SORCS1: variants seen among roughly 807,000 people sequenced by gnomAD.
The protein encoded by SORCS1 is sortilin related VPS10 domain containing receptor 1, also known as VPS10 domain-containing receptor SorCS1.
A neutral mutation model predicts 146.1 loss-of-function variants in SORCS1; 60 were observed. The ratio of observed to expected loss-of-function variants is 0.41; its 90% CI spans 0.33 to 0.51. The LOEUF (loss-of-function observed/expected upper bound fraction) is 0.51, where lower values mean the gene tolerates loss of function less well. Ranked by LOEUF, SORCS1 falls within the 20% of genes least tolerant of loss-of-function variation. The pLI is 0.21. For synonymous variants in SORCS1, 637 were observed against 584.0 expected (o/e 1.09, Z -1.31); for missense variants, 1,352 against 1,487.6 (o/e 0.91, Z 1.50).
At chr10:106,993,700 C>A (rs1956869266) in intron 1 of SORCS1, among the ~76,000 whole-genome samples, 1 of 152,040 alleles carries the variant, frequency 6.6e-6, no homozygotes. Context: ...AAAAAATATT[C>A]TTTTAAAAGT....
chr10:106,996,293 G>T (rs1237478453), intron 1 of SORCS1, among the ~76,000 whole-genome samples: 1 of 151,650 alleles, frequency 6.6e-6, no homozygotes, highest in African/African-American at 2.4e-5. Context: ...AAAACTACCT[G>T]GGGTCAGGGG....
intron 1 of SORCS1, among the ~76,000 whole-genome samples, chr10:107,031,341 C>T (rs1306065522): frequency 2.0e-5 from 3 of 151,956 alleles, no homozygotes; most frequent in African/African-American, 7.3e-5. Flanking sequence ...ATTTCTAATG[C>T]ATTTTTTTCT....
chr10:106,887,729 A>C (rs1255232394), intron 2 of SORCS1, among the ~76,000 whole-genome samples: 2 of 152,222 alleles, frequency 1.3e-5, no homozygotes, highest in Non-Finnish European at 2.9e-5. Context: ...CACTCTTAAA[A>C]GGATCTAGTA....
At chr10:107,023,127 A>C (rs921020610) in intron 1 of SORCS1, among the ~76,000 whole-genome samples, 1 of 152,198 alleles carries the variant, frequency 6.6e-6, no homozygotes, top group African/African-American at 2.4e-5. Flanking sequence ...CAGATAATGC[A>C]TGTAAATTGC....
intron 1 of SORCS1, among the ~76,000 whole-genome samples, chr10:107,098,671 G>A (rs1169471077): frequency 6.6e-6 from 1 of 152,140 alleles, no homozygotes; most frequent in Non-Finnish European, 1.5e-5. Flanking sequence ...AACAATTTTG[G>A]AATGACTTCT....
At chr10:106,971,667 G>C (rs899141488) in intron 1 of SORCS1, among the ~76,000 whole-genome samples, 4 of 152,166 alleles carry the variant, frequency 2.6e-5, no homozygotes, top group African/African-American at 9.7e-5. Flanking sequence ...CTAATCCAAA[G>C]GTTTATTGAT....
intron 2 of SORCS1, among the ~76,000 whole-genome samples, chr10:106,848,977 C>T (rs1225613210): frequency 1.3e-5 from 2 of 150,896 alleles, no homozygotes; most frequent in Non-Finnish European, 3.0e-5. Context: ...ATGGGCTTCC[C>T]TTTGAGGGTA....
intron 8 of SORCS1, among the ~76,000 whole-genome samples, chr10:106,699,801 AC>A (rs1486245838): frequency 6.6e-6 from 1 of 152,084 alleles, no homozygotes; most frequent in Non-Finnish European, 1.5e-5. Flanking sequence ...AAATAGACAA[AC>A]CCTGCATGTC....
chr10:107,043,885 A>G (rs569209127), intron 1 of SORCS1, among the ~76,000 whole-genome samples: 3 of 152,338 alleles, frequency 2.0e-5, no homozygotes, highest in African/African-American at 7.2e-5. Context: ...GAACCAAATC[A>G]TCTTTCCGAA....
intron 1 of SORCS1, among the ~76,000 whole-genome samples, chr10:107,159,763 G>C (rs1335653734): frequency 6.6e-6 from 1 of 151,966 alleles, no homozygotes; most frequent in Non-Finnish European, 1.5e-5. Context: ...TAAGTACTGA[G>C]AGAAGGAATT....
intron 1 of SORCS1, among the ~76,000 whole-genome samples, chr10:107,089,080 C>G (rs1963977645): frequency 6.6e-6 from 1 of 152,158 alleles, no homozygotes. Context: ...CTGGATCGAT[C>G]AACTGCTAAC....
At chr10:106,940,703 G>A (rs1228456244) in intron 2 of SORCS1, among the ~76,000 whole-genome samples, 1 of 152,116 alleles carries the variant, frequency 6.6e-6, no homozygotes. Flanking sequence ...GGCCAACATG[G>A]TGAAACCCTA....
intron 6 of SORCS1, among the ~76,000 whole-genome samples, chr10:106,718,309 A>T (rs183385738): frequency 2.6e-5 from 4 of 152,232 alleles, no homozygotes; most frequent in African/African-American, 9.6e-5. Context: ...AGCACATCAC[A>T]TAACTTTCTG....
intron 18 of SORCS1, among the ~76,000 whole-genome samples, chr10:106,651,346 G>A (rs1449196480): frequency 6.6e-6 from 1 of 152,122 alleles, no homozygotes; most frequent in Admixed American, 6.5e-5. Flanking sequence ...CCTTGCCACT[G>A]TTTTGTTTTT....
chr10:107,094,415 A>T (rs1273933276), intron 1 of SORCS1, among the ~76,000 whole-genome samples: 1 of 152,224 alleles, frequency 6.6e-6, no homozygotes, highest in South Asian at 2.1e-4. Context: ...TACTGAAATC[A>T]TATTTCTGTT....
chr10:107,009,717 A>G (rs898028738), intron 1 of SORCS1, among the ~76,000 whole-genome samples: 5 of 152,326 alleles, frequency 3.3e-5, no homozygotes, highest in African/African-American at 1.2e-4. Flanking sequence ...TCACAATCTC[A>G]TAATATGCAC....
chr10:106,798,755 C>T lies in SORCS1; in HGVS notation c.727-22063G>A, dbSNP rs192457309. ...TAGTGCCGCAATAAACATACGTATGCATGTGTCTTTACAGCAGCATGATTT... is the reference window on the plus strand; with the variant it reads ...TAGTGCCGCAATAAACATACGTATGTATGTGTCTTTACAGCAGCATGATTT... On this transcript the variant is annotated intron_variant, in intron 3 of 25. Transcript: ENST00000263054. 2.0e-5 allele frequency among the ~76,000 whole-genome samples: 3 copies of T among 152,296 alleles called. No homozygotes were observed. The East Asian group carries it at 5.8e-4, about 29-fold the overall frequency.
rs187856806 is a variant in SORCS1 at position 106,965,507 on chromosome 10, G to A, written c.559-8927C>T. 1.7e-3 allele frequency among the ~76,000 whole-genome samples: 253 copies of A among 152,234 alleles called. 1 individual carries two copies. Among genetic ancestry groups the A allele is most frequent in the African/African-American group, 5.8e-3 (240 of 41,536 alleles). ...ACCACTGTGTGATTTTCAGTAAGTC[G>A]CCTGAGTCCTGAACTAACTTGTAGC... On this transcript the variant is annotated intron_variant, in intron 1 of 25. Transcript: ENST00000263054.
intron 5 of SORCS1, among the ~76,000 whole-genome samples, chr10:106,737,948 G>T (rs1564915176): frequency 6.6e-6 from 1 of 152,146 alleles, no homozygotes; most frequent in Non-Finnish European, 1.5e-5. Context: ...TTAGCAACTT[G>T]TTAAATGTAC....
Sources: allele counts gnomAD v4.1 joint callset (sites outside exome capture counted in the v4.1 genomes callset), GRCh38; gene constraint gnomAD v4.1.1; transcripts MANE v1.5; gene names NCBI Gene and HGNC (gene_info 2026-07-23, HGNC 2026-07-21).